FTCDNL1: variants seen among roughly 807,000 people sequenced by gnomAD.
FTCDNL1 encodes formiminotransferase N-terminal subdomain-containing protein.
A neutral mutation model predicts 5.9 loss-of-function variants in FTCDNL1; 11 were observed. That is an observed-to-expected ratio of 1.87 (90% CI 1.18 to 3.10). The LOEUF (loss-of-function observed/expected upper bound fraction) is 3.10, where lower values mean the gene tolerates loss of function less well. FTCDNL1 is among the 30% of genes most tolerant of loss of function. FTCDNL1 has a pLI of 0.00. For synonymous variants in FTCDNL1, 58 were observed against 24.8 expected (o/e 2.34, Z -3.99); for missense variants, 115 against 65.5 (o/e 1.76, Z -2.61).
chr2:199,848,915 G>A lies in FTCDNL1; in HGVS notation c.48C>T (p.Asn16=), dbSNP rs1192599034. The A allele has an allele frequency of 7.1e-6, 5 of 702,162 alleles. No individual in the cohort carries two copies. The highest frequency in any genetic ancestry group is 5.9e-5 in the South Asian group (4 of 67,586). 43.5% of individuals were successfully genotyped at this position (702,162 alleles called of 1,614,324 possible). The change falls in exon 2 of 5, where the codon AAC becomes AAT. Residue 16 remains asparagine, a synonymous_variant. Transcript: ENST00000420128. The part of the protein sequence containing the change: ...VGLRLAACLL[N]VSEAGRKYIV... Reference sequence around the variant, plus strand: ...TGTATTTTCTTCCGGCTTCTGAAACGTTTAGTAAACAGGCAGCCAAACGGA... The same window carrying A: ...TGTATTTTCTTCCGGCTTCTGAAACATTTAGTAAACAGGCAGCCAAACGGA...
chr2:199,781,320 T>C (rs977004581), intron 3 of FTCDNL1, among the ~76,000 whole-genome samples: 21 of 151,996 alleles, frequency 1.4e-4, no homozygotes, highest in Non-Finnish European at 2.9e-5. Context: ...GCTCTGTGCT[T>C]CCTTCCTACT....
At chr2:199,670,502 C>A in the FTCDNL1 span, among the ~76,000 whole-genome samples, 1 of 152,094 alleles carries the variant, frequency 6.6e-6, no homozygotes, top group Non-Finnish European at 1.5e-5. Flanking sequence ...AAGGAAGTTG[C>A]AGAAAACACA....
chr2:199,752,056 T>C, the FTCDNL1 span, among the ~76,000 whole-genome samples: 13 of 152,134 alleles, frequency 8.5e-5, no homozygotes, highest in Non-Finnish European at 1.5e-5. Flanking sequence ...AGTCAGAGAA[T>C]GATGCGCCCA....
chr2:199,798,116 G>A lies in FTCDNL1; in HGVS notation c.212-37281C>T, dbSNP rs1467001666. Among the ~76,000 whole-genome samples, 3 of 152,208 alleles carry A rather than the reference G, an allele frequency of 2.0e-5. No individual in the cohort carries two copies. The East Asian group carries it at 5.8e-4, about 29-fold the overall frequency. Reference sequence around the variant, plus strand: ...AGACTTTCTGTTCCCTAGAAGTTCAGAACAGCTTTTTCCTTTAACTGTCCC... The same window carrying A: ...AGACTTTCTGTTCCCTAGAAGTTCAAAACAGCTTTTTCCTTTAACTGTCCC... On this transcript the variant is annotated intron_variant, in intron 3 of 3. Coordinates refer to the FTCDNL1 transcript ENST00000416668.
At chr2:199,791,794 A>C (rs1207420589) in intron 3 of FTCDNL1, among the ~76,000 whole-genome samples, 1 of 152,186 alleles carries the variant, frequency 6.6e-6, no homozygotes, top group African/African-American at 2.4e-5. Flanking sequence ...GGTGCAGTAC[A>C]AAGTGATGAG....
chr2:199,761,418 C>T (rs1438886153), intron 3 of FTCDNL1, among the ~76,000 whole-genome samples: 1 of 152,152 alleles, frequency 6.6e-6, no homozygotes, highest in Admixed American at 6.5e-5. Context: ...CTCTCCAAGA[C>T]AAAAAGAACA....
the FTCDNL1 span, among the ~76,000 whole-genome samples, chr2:199,729,735 T>C: frequency 1.3e-5 from 2 of 152,158 alleles, no homozygotes; most frequent in Admixed American, 6.5e-5. Context: ...AATTCCATGC[T>C]CATGGATAGG....
At chr2:199,829,441 G>C (rs977513952) in intron 3 of FTCDNL1, among the ~76,000 whole-genome samples, 4 of 152,060 alleles carry the variant, frequency 2.6e-5, no homozygotes, top group African/African-American at 9.7e-5. Context: ...TGTGAGTTTG[G>C]TTATATTCCT....
chr2:199,730,213 A>C, the FTCDNL1 span, among the ~76,000 whole-genome samples: 1 of 152,230 alleles, frequency 6.6e-6, no homozygotes, highest in Non-Finnish European at 1.5e-5. Context: ...AGATGCACTA[A>C]AGACTTAAAT....
rs1237968432 is a variant in FTCDNL1 at position 199,817,514 on chromosome 2, C to CG, written c.397+2057dup. ...AGAGAATAAAATCATGGGCCAGGCA[C>CG]GGGGGGTCACGCCTATAATCCCAGG... On this transcript the variant is annotated intron_variant, in intron 4 of 4. Coordinates refer to ENST00000420128, the MANE Select transcript of FTCDNL1 (RefSeq NM_001363886.2). Among the ~76,000 whole-genome samples, 4 of 151,962 alleles carry CG rather than the reference C, an allele frequency of 2.6e-5. No homozygotes were observed. The South Asian group carries it at 6.2e-4, about 24-fold the overall frequency.
At chr2:199,666,911 A>AC in the FTCDNL1 span, among the ~76,000 whole-genome samples, 6 of 129,788 alleles carry the variant, frequency 4.6e-5, no homozygotes, top group African/African-American at 2.0e-4. Flanking sequence ...AGTCCATCTC[A>AC]AAAAAAAAAA....
intron 3 of FTCDNL1, among the ~76,000 whole-genome samples, chr2:199,790,953 A>G (rs963527441): frequency 1.3e-5 from 2 of 152,156 alleles, no homozygotes; most frequent in Non-Finnish European, 2.9e-5. Flanking sequence ...CTTAAAACCT[A>G]TCCCAGAGAC....
At chr2:199,844,292 G>A in intron 3 of FTCDNL1, 1 of 432,724 alleles carries the variant, frequency 2.3e-6, no homozygotes, top group Non-Finnish European at 4.1e-6. Flanking sequence ...CCCGGGGGCT[G>A]AGGAGTGATT....
the FTCDNL1 span, among the ~76,000 whole-genome samples, chr2:199,751,111 G>A: frequency 8.5e-5 from 13 of 152,264 alleles, no homozygotes; most frequent in Admixed American, 3.3e-4. Flanking sequence ...GAAAGTGGAC[G>A]TAACACTTAA....
intron 3 of FTCDNL1, among the ~76,000 whole-genome samples, chr2:199,843,510 C>A (rs2076646753): frequency 6.6e-6 from 1 of 152,100 alleles, no homozygotes; most frequent in Middle Eastern, 3.2e-3. Flanking sequence ...CCTTGGATAA[C>A]CCTTCAACTG....
At chr2:199,757,660 C>A (rs553244870), downstream of FTCDNL1, among the ~76,000 whole-genome samples, 1 of 152,134 alleles carries the variant, frequency 6.6e-6, no homozygotes, top group Non-Finnish European at 1.5e-5. Flanking sequence ...GCAAACCAGC[C>A]CAGCCACTTG....
intron 3 of FTCDNL1, among the ~76,000 whole-genome samples, chr2:199,773,541 C>T (rs1228656107): frequency 1.3e-5 from 2 of 152,128 alleles, no homozygotes; most frequent in African/African-American, 4.8e-5. Context: ...TTTTGCAGGT[C>T]CTTCCTCCTG....
At chr2:199,842,456 T>G (rs780246304) in intron 3 of FTCDNL1, among the ~76,000 whole-genome samples, 13 of 152,168 alleles carry the variant, frequency 8.5e-5, no homozygotes, top group Non-Finnish European at 1.8e-4. Context: ...ACTGTTCCCT[T>G]TATTCTAAAA....
In FTCDNL1 at chr2:199,848,888, A is replaced by G. The variant is rs1345721438; in HGVS notation, c.75T>C (p.Ile25=). 11 of 702,206 alleles carry G rather than the reference A, an allele frequency of 1.6e-5. No individual in the cohort carries two copies. Among genetic ancestry groups the G allele is most frequent in the Non-Finnish European group, 2.3e-5 (9 of 384,798 alleles). The allele number at this position is 702,206 out of a possible 1,614,324, so 43.5% of individuals were successfully genotyped here. Residue 25 remains isoleucine, a synonymous_variant, in exon 2 of 5, where the codon ATT becomes ATC. Coordinates refer to ENST00000420128, the MANE Select transcript of FTCDNL1 (RefSeq NM_001363886.2). ...LNVSEAGRKY[I]VENIAKAALL... is the part of the protein sequence containing the mutation. ...GAGCTGCTTTTGCTATGTTCTCAAC[A>G]ATGTATTTTCTTCCGGCTTCTGAAA...
Sources: gnomAD v4.1 joint callset for allele counts (sites outside exome capture counted in the v4.1 genomes callset) on GRCh38, gnomAD v4.1.1 for gene constraint, MANE v1.5 for transcripts, NCBI Gene and HGNC (gene_info 2026-07-23, HGNC 2026-07-21) for gene names.